SREBF1: variants seen among roughly 807,000 people sequenced by gnomAD.
SREBF1 encodes the protein sterol regulatory element binding transcription factor 1.
A neutral mutation model predicts 100.1 loss-of-function variants in SREBF1; 45 were observed. The observed-to-expected ratio is 0.45, with a 90% CI of 0.35 to 0.58. SREBF1 has a LOEUF of 0.58. Ranked by LOEUF, SREBF1 falls within the 20% of genes least tolerant of loss-of-function variation. SREBF1 has a pLI of 0.00. For missense variants in SREBF1, 1,324 were observed against 1,539.4 expected, an observed-to-expected ratio of 0.86 and a Z score of 2.34; for synonymous variants, 657 against 681.8, an observed-to-expected ratio of 0.96 and a Z score of 0.57.
At chr17:17,836,391 A>G (rs1222070077) in intron 1 of SREBF1, among the ~76,000 whole-genome samples, 1 of 152,214 alleles carries the variant, frequency 6.6e-6, no homozygotes, top group Non-Finnish European at 1.5e-5. Flanking sequence ...CTGGGTCCCC[A>G]GCTTCAGCCG....
At chr17:17,826,569 A>G (rs1281411416) in intron 1 of SREBF1, among the ~76,000 whole-genome samples, 5 of 152,156 alleles carry the variant, frequency 3.3e-5, no homozygotes, top group Non-Finnish European at 5.9e-5. Context: ...GGTGGCCCCA[A>G]CTGCTCCCTA....
chr17:17,828,818 G>A (rs1283200890), intron 1 of SREBF1, among the ~76,000 whole-genome samples: 1 of 152,136 alleles, frequency 6.6e-6, no homozygotes, highest in Non-Finnish European at 1.5e-5. Context: ...GGAGGCTGAG[G>A]TGGGAGGATC....
Position 17,817,504 on chromosome 17 carries a change from A to G in SREBF1, c.1405-47T>C. 3 of 1,543,098 alleles carry G rather than the reference A, an allele frequency of 1.9e-6. No individual in the cohort carries two copies. In the South Asian group the frequency reaches 3.5e-5, roughly 18 times the overall value. Reference sequence around the variant, plus strand: ...GTGAGGGCAGAATCGGAGGGACCCCAGAGAGCATGGGGCTGGGAAGGGGGG... The same window carrying G: ...GTGAGGGCAGAATCGGAGGGACCCCGGAGAGCATGGGGCTGGGAAGGGGGG... On this transcript the variant is annotated intron_variant, in intron 7 of 18. Coordinates refer to ENST00000261646, the MANE Select transcript of SREBF1 (RefSeq NM_004176.5). This position sits in a 1 kb window ranked among gnomAD's most constrained non-coding sequence, Gnocchi z 6.6.
chr17:17,811,403 G>GA lies in SREBF1; in HGVS notation c.*1218dup, dbSNP rs34061744. On this transcript the variant is annotated 3_prime_UTR_variant, in exon 19 of 19. Transcript: ENST00000261646. ...GAGTAAAAAACAGTCATTGCATTCAGAAAAAAAAAAAAAAAAAAGTCAATA... is the reference window on the plus strand; with the variant it reads ...GAGTAAAAAACAGTCATTGCATTCAGAAAAAAAAAAAAAAAAAAAGTCAATA... 0.36 allele frequency: 58,575 copies of GA among 162,326 alleles called. 12,416 individuals are homozygous for GA. The highest frequency in any genetic ancestry group is 0.48 in the Non-Finnish European group (38,512 of 79,722). The allele number at this position is 162,326 out of a possible 1,614,324, so 10.1% of individuals were successfully genotyped here.
Position 17,813,365 on chromosome 17 carries a change from C to A in SREBF1, c.3214+3G>T, listed in dbSNP as rs74911175. ...CATCCCTGGTCAGCAGCTGCCCCCT[C>A]ACCTCCTTTGCCACCGGGGCCTGCC... On this transcript the variant is annotated splice_donor_region_variant and intron_variant, in intron 18 of 18. Transcript: ENST00000261646. 1 of 1,590,948 alleles carries A rather than the reference C, an allele frequency of 6.3e-7. No individual in the cohort carries two copies. Among genetic ancestry groups the A allele is most frequent in the Non-Finnish European group, 8.5e-7 (1 of 1,170,306 alleles).
At chr17:17,813,220 G>A in intron 18 of SREBF1, 148 bp downstream of exon 18, 1 of 824,700 alleles carries the variant, frequency 1.2e-6, no homozygotes, top group Admixed American at 2.0e-5. Flanking sequence ...CCTCCCAACT[G>A]AGCCTCCCAA....
chr17:17,820,334 C>G lies in SREBF1; in HGVS notation c.279G>C (p.Ala93=). The part of the protein sequence containing the change: ...LEAFLSGPQA[A]PSPLSPPQPA... Reference sequence around the variant, plus strand: ...GCTGGGGAGGGGACAGGGGTGAGGGCGCTGCCTGCGGCCCGCTCAGGAAGG... The same window carrying G: ...GCTGGGGAGGGGACAGGGGTGAGGGGGCTGCCTGCGGCCCGCTCAGGAAGG... The change falls in exon 2 of 19, where the codon GCG becomes GCC. Residue 93 remains alanine (A), a synonymous_variant. Transcript: ENST00000261646. 1 of 1,613,154 alleles carries G rather than the reference C, an allele frequency of 6.2e-7. No homozygotes were observed. Among genetic ancestry groups the G allele is most frequent in the Non-Finnish European group, 8.5e-7 (1 of 1,179,564 alleles).
In SREBF1 at chr17:17,813,640, G is replaced by A. The variant is rs764969616; in HGVS notation, c.3031C>T (p.Leu1011=). The A allele has an allele frequency of 2.0e-5, 32 of 1,572,826 alleles. No homozygotes were observed. In the African/African-American group the frequency reaches 4.0e-4, roughly 20 times the overall value. ...SSRPQASALE[L]RGFQRDLSSL... ...CTCAGGTCCCGTTGGAAGCCACGCA[G>A]CTCAAGGGCGGAAGCCTGGGGCCTG... is the stretch of plus-strand genomic sequence containing the variant. Residue 1011 remains leucine (L), a synonymous_variant, in exon 17 of 19, where the codon CTG becomes TTG. Transcript: ENST00000261646.
chr17:17,814,972 A>C (rs1214436429), intron 13 of SREBF1, 28 bp from the exon 14 acceptor site: 13 of 1,547,842 alleles, frequency 8.4e-6, no homozygotes, highest in South Asian at 2.4e-5. Context: ...TGGCTGTCGG[A>C]ACAGATGGCA....
intron 1 of SREBF1, chr17:17,823,651 C>A (rs12936927): frequency 7.4e-6 from 11 of 1,494,736 alleles, no homozygotes; most frequent in East Asian, 5.1e-5. Flanking sequence ...AGCGCTGCGG[C>A]GCGCCCGCCC....
chr17:17,816,430 C>T (rs757166717), intron 10 of SREBF1, 27 bp downstream of exon 10: 84 of 1,602,542 alleles, frequency 5.2e-5, no homozygotes, highest in South Asian at 6.7e-5. Flanking sequence ...GGGAGCACCT[C>T]GGAGCCCGCC....
At position 17,817,733 on chromosome 17, in the gene SREBF1, T is replaced by TCACTGC. The variant is rs1567968937; in HGVS notation, c.1361_1366dup (p.Gly454_Ser455dup). 1.2e-6 allele frequency: 2 copies of TCACTGC among 1,613,070 alleles called. No individual in the cohort carries two copies. The highest frequency in any genetic ancestry group is 1.1e-5 in the South Asian group (1 of 91,058). On this transcript the variant is annotated inframe_insertion, in exon 7 of 19. Transcript: ENST00000261646. This position sits in a 1 kb window ranked among gnomAD's most constrained non-coding sequence, Gnocchi z 6.6. Reference sequence around the variant, plus strand: ...AAAGACTGGGCTGTCAGGCTCCGAGTCACTGCCACTGCCACCGCTGCCACT... The same window carrying TCACTGC: ...AAAGACTGGGCTGTCAGGCTCCGAGTCACTGCCACTGCCACTGCCACCGCTGCCACT...
intron 12 of SREBF1, 133 bp from the exon 13 acceptor site, chr17:17,815,462 C>G (rs1333055225): frequency 1.4e-6 from 1 of 718,196 alleles, no homozygotes; most frequent in African/African-American, 1.8e-5. Context: ...CTGGGTGCAG[C>G]CCCTGCCAAG....
chr17:17,812,478 G>T lies in SREBF1; in HGVS notation c.*144C>A. On this transcript the variant is annotated 3_prime_UTR_variant, in exon 19 of 19. Coordinates refer to ENST00000261646, the MANE Select transcript of SREBF1 (RefSeq NM_004176.5). Reference sequence around the variant, plus strand: ...TCGCGCCCCTCGGGCCTTCCACCGCGAAGGCACACAGCAGCCGCAGGTCGA... The same window carrying T: ...TCGCGCCCCTCGGGCCTTCCACCGCTAAGGCACACAGCAGCCGCAGGTCGA... 1 of 867,192 alleles carries T rather than the reference G, an allele frequency of 1.2e-6. No homozygotes were observed. Among genetic ancestry groups the T allele is most frequent in the Non-Finnish European group, 1.8e-6 (1 of 570,316 alleles). 53.7% of individuals were successfully genotyped at this position (867,192 alleles called of 1,614,324 possible). A position where few individuals can be genotyped will look rare whatever the true frequency, so the allele number is the denominator to read the frequency against.
chr17:17,819,404 G>A lies in SREBF1; in HGVS notation c.762C>T (p.Ala254=), dbSNP rs2033911128. The change falls in exon 4 of 19, where the codon GCC becomes GCT. Residue 254 remains alanine, a synonymous_variant. Transcript: ENST00000261646. The part of the protein sequence containing the change: ...FIKADSLLLT[A]MKTDGATVKA... ...TCACAGTGGCTCCGTCTGTCTTCAT[G>A]GCTGTCAGAAGCAGCGAGTCTGCCT... 1 of 1,613,760 alleles carries A rather than the reference G, an allele frequency of 6.2e-7. No individual in the cohort carries two copies. Among genetic ancestry groups the A allele is most frequent in the Non-Finnish European group, 8.5e-7 (1 of 1,180,054 alleles).
At position 17,811,438 on chromosome 17, in the gene SREBF1, C is replaced by G. The variant is rs1206903047; in HGVS notation, c.*1184G>C. On this transcript the variant is annotated 3_prime_UTR_variant, in exon 19 of 19. Transcript: ENST00000261646. Reference sequence around the variant, plus strand: ...AAAAAAAAAGTCAATAAAGATACAACGATTGTTTTGGAAAATCTGCAGCCC... The same window carrying G: ...AAAAAAAAAGTCAATAAAGATACAAGGATTGTTTTGGAAAATCTGCAGCCC... The G allele has an allele frequency of 5.0e-6, 1 of 200,836 alleles. No individual in the cohort carries two copies. The highest frequency in any genetic ancestry group is 4.9e-5 in the South Asian group (1 of 20,296). 12.4% of individuals were successfully genotyped at this position (200,836 alleles called of 1,614,324 possible).
At chr17:17,814,177 G>C in intron 16 of SREBF1, 68 bp downstream of exon 16, 2 of 1,522,946 alleles carry the variant, frequency 1.3e-6, no homozygotes. Context: ...CTGGGGGCTG[G>C]GGAGAGGAAC....
intron 5 of SREBF1, 57 bp downstream of exon 5, chr17:17,818,956 C>G: frequency 1.3e-6 from 2 of 1,584,792 alleles, no homozygotes; most frequent in Non-Finnish European, 1.7e-6. Flanking sequence ...CCAGTTGCCC[C>G]TGATCTGTTC....
At position 17,819,183 on chromosome 17, in the gene SREBF1, C is replaced by T; in HGVS notation, c.898G>A (p.Ala300Thr). Residue 300 changes from alanine to threonine, a missense_variant, in exon 5 of 19, where the codon GCG becomes ACG. Transcript: ENST00000261646. ...ILATVPLVVD[A>T]EKLPINRLAA... ...AGCCGGTTGATAGGCAGCTTCTCCGCATCTACGACCAGTGGGACTGTTGCC... is the reference window on the plus strand; with the variant it reads ...AGCCGGTTGATAGGCAGCTTCTCCGTATCTACGACCAGTGGGACTGTTGCC... 1 of 1,614,214 alleles carries T rather than the reference C, an allele frequency of 6.2e-7. No homozygotes were observed. Among genetic ancestry groups the T allele is most frequent in the Non-Finnish European group, 8.5e-7 (1 of 1,180,056 alleles).
Sources: allele counts gnomAD v4.1 joint callset (sites outside exome capture counted in the v4.1 genomes callset), GRCh38; gene constraint gnomAD v4.1.1; non-coding constraint Gnocchi (gnomAD v3.1); transcripts MANE v1.5; gene names NCBI Gene and HGNC (gene_info 2026-07-23, HGNC 2026-07-21).